The following LYPLA1 variants were observed in gnomAD, a reference collection of about 807,000 sequenced individuals.
LYPLA1 encodes the protein lysophospholipase 1, also known as acyl-protein thioesterase 1.
A neutral mutation model predicts 34.0 loss-of-function variants in LYPLA1; 17 were observed. The observed-to-expected ratio is 0.50, with a 90% CI of 0.34 to 0.75. The LOEUF (loss-of-function observed/expected upper bound fraction) is 0.75, where lower values mean the gene tolerates loss of function less well. LYPLA1 is among the 30% of genes least tolerant of loss of function. The pLI is 0.01. For missense variants in LYPLA1, 203 were observed against 288.8 expected (o/e 0.70, Z 2.15); for synonymous variants, 98 against 100.8 (o/e 0.97, Z 0.17).
intron 2 of LYPLA1, among the ~76,000 whole-genome samples, chr8:54,095,749 CTT>C (rs568630269): frequency 8.7e-5 from 12 of 138,660 alleles, no homozygotes; most frequent in Admixed American, 2.9e-4. Context: ...CTGGCTTACA[CTT>C]TTTTTTTTTT....
In LYPLA1 at chr8:54,062,358, A is replaced by T. The variant is rs373667655; in HGVS notation, c.216-34T>A. Reference sequence around the variant, plus strand: ...TAAGGCAAAATCTTTTGATTCTAAGAAAAATCTATTATTGTAGTAAGTATA... The same window carrying T: ...TAAGGCAAAATCTTTTGATTCTAAGTAAAATCTATTATTGTAGTAAGTATA... On this transcript the variant is annotated intron_variant, in intron 4 of 8. Transcript: ENST00000316963. 34 of 1,404,580 alleles carry T rather than the reference A, an allele frequency of 2.4e-5. No homozygotes were observed. In the African/African-American group the frequency reaches 4.4e-4, roughly 18 times the overall value. The allele number at this position is 1,404,580 out of a possible 1,614,324, so 87.0% of individuals were successfully genotyped here.
intron 5 of LYPLA1, among the ~76,000 whole-genome samples, chr8:54,061,649 T>G (rs1285167283): frequency 6.6e-6 from 1 of 151,912 alleles, no homozygotes. Context: ...CATGGTGGTG[T>G]GCGCCTCCAT....
At chr8:54,091,253 C>T (rs1022434346) in intron 2 of LYPLA1, among the ~76,000 whole-genome samples, 17 of 151,978 alleles carry the variant, frequency 1.1e-4, no homozygotes, top group African/African-American at 3.4e-4. Flanking sequence ...TTTGGGAGGC[C>T]GAGGTGGGCG....
chr8:54,100,117 C>T (rs1345051759), intron 2 of LYPLA1: 1 of 152,046 alleles, frequency 6.6e-6, no homozygotes, highest in Non-Finnish European at 1.5e-5. Flanking sequence ...AGATTATCAC[C>T]AATTTAAATA....
chr8:54,072,218 C>T (rs1807527491), intron 2 of LYPLA1, among the ~76,000 whole-genome samples: 1 of 152,174 alleles, frequency 6.6e-6, no homozygotes, highest in African/African-American at 2.4e-5. Flanking sequence ...CCACCTAACA[C>T]CACATACAAA....
At chr8:54,059,600 G>A (rs546408298) in intron 5 of LYPLA1, among the ~76,000 whole-genome samples, 1 of 73,250 alleles carries the variant, frequency 1.4e-5, no homozygotes, top group African/African-American at 1.3e-4. Context: ...CACCGCGCCC[G>A]GCCATTTTCC....
At chr8:54,076,013 C>T (rs1178123829) in intron 2 of LYPLA1, among the ~76,000 whole-genome samples, 4 of 152,038 alleles carry the variant, frequency 2.6e-5, no homozygotes, top group Admixed American at 1.3e-4. Flanking sequence ...CTGAACAAAA[C>T]GGTCAGATGG....
intron 2 of LYPLA1, among the ~76,000 whole-genome samples, chr8:54,078,765 T>C (rs563155816): frequency 5.3e-5 from 8 of 152,260 alleles, no homozygotes; most frequent in African/African-American, 1.7e-4. Flanking sequence ...GACAAGATTA[T>C]AGATTCTGTA....
chr8:54,068,702 A>T (rs1341754533), intron 2 of LYPLA1, among the ~76,000 whole-genome samples: 2 of 152,198 alleles, frequency 1.3e-5, no homozygotes, highest in Non-Finnish European at 2.9e-5. Flanking sequence ...CAAATACCTA[A>T]ATGTAAGAGA....
chr8:54,044,123 C>T (rs1805427538), downstream of LYPLA1, among the ~76,000 whole-genome samples: 1 of 151,776 alleles, frequency 6.6e-6, no homozygotes, highest in South Asian at 2.1e-4. Context: ...TAACTCCTAC[C>T]TTCAACTGAT....
intron 2 of LYPLA1, among the ~76,000 whole-genome samples, chr8:54,099,701 T>G (rs1180809697): frequency 2.0e-5 from 3 of 152,062 alleles, no homozygotes; most frequent in Non-Finnish European, 4.4e-5. Context: ...GCATTTTTTT[T>G]TTTTTTGAGT....
downstream of LYPLA1, among the ~76,000 whole-genome samples, chr8:54,044,458 GAAAATC>G (rs747660818): frequency 2.0e-4 from 30 of 152,090 alleles, no homozygotes; most frequent in Non-Finnish European, 3.8e-4. Context: ...TATATACCTT[GAAAATC>G]AAAATGCACA....
chr8:54,069,921 C>A (rs984301469), intron 2 of LYPLA1, among the ~76,000 whole-genome samples: 1 of 152,098 alleles, frequency 6.6e-6, no homozygotes, highest in African/African-American at 2.4e-5. Context: ...TTAGAAAATG[C>A]AAACCAAAAC....
At chr8:54,058,768 A>T (rs1403373337) in intron 5 of LYPLA1, among the ~76,000 whole-genome samples, 1 of 147,742 alleles carries the variant, frequency 6.8e-6, no homozygotes, top group Non-Finnish European at 1.5e-5. Flanking sequence ...TTTTGTAGCG[A>T]CTCTTGCCCA....
intron 5 of LYPLA1, among the ~76,000 whole-genome samples, chr8:54,058,075 A>G (rs923597569): frequency 6.6e-6 from 1 of 152,210 alleles, no homozygotes; most frequent in Non-Finnish European, 1.5e-5. Context: ...TTCTGCTCAT[A>G]TATATTCCAT....
At chr8:54,058,752 T>C (rs1806388301) in intron 5 of LYPLA1, among the ~76,000 whole-genome samples, 1 of 150,156 alleles carries the variant, frequency 6.7e-6, no homozygotes, top group African/African-American at 2.4e-5. Flanking sequence ...CTAATTTTGT[T>C]TTTTTTTTTG....
chr8:54,075,777 G>A (rs1807848483), intron 2 of LYPLA1, among the ~76,000 whole-genome samples: 1 of 152,072 alleles, frequency 6.6e-6, no homozygotes, highest in Non-Finnish European at 1.5e-5. Context: ...TAATAAATCT[G>A]CTCCTATTAT....
At chr8:54,094,517 T>C (rs950126098) in intron 2 of LYPLA1, among the ~76,000 whole-genome samples, 2 of 152,158 alleles carry the variant, frequency 1.3e-5, no homozygotes, top group African/African-American at 4.8e-5. Flanking sequence ...TGGGCTGCAA[T>C]TGGAGGAATC....
At chr8:54,058,767 G>A (rs771694337) in intron 5 of LYPLA1, among the ~76,000 whole-genome samples, 1 of 150,400 alleles carries the variant, frequency 6.6e-6, no homozygotes, top group Non-Finnish European at 1.5e-5. Context: ...TTTTTGTAGC[G>A]ACTCTTGCCC....
Sources: allele counts gnomAD v4.1 joint callset (sites outside exome capture counted in the v4.1 genomes callset), GRCh38; gene constraint gnomAD v4.1.1; transcripts MANE v1.5; gene names NCBI Gene and HGNC (gene_info 2026-07-23, HGNC 2026-07-21).